Variants in RSPO2 observed in about 807,000 individuals in gnomAD.
RSPO2 encodes R-spondin 2, also known as R-spondin-2.
In RSPO2, 14 loss-of-function variants were observed where a neutral mutation model predicts 30.9. The ratio of observed to expected loss-of-function variants is 0.45; its 90% CI spans 0.30 to 0.71. The LOEUF is 0.71. Ranked by LOEUF, RSPO2 falls within the 30% of genes least tolerant of loss-of-function variation. The probability of loss-of-function intolerance (pLI) is 0.08; values close to 1 mark genes in which losing one functional copy is unlikely to be tolerated. For missense variants in RSPO2, 264 were observed against 301.9 expected, an observed-to-expected ratio of 0.87 and a Z score of 0.93; for synonymous variants, 107 against 96.4, an observed-to-expected ratio of 1.11 and a Z score of -0.64.
chr8:107,934,441 C>A (rs535895007), intron 5 of RSPO2, among the ~76,000 whole-genome samples: 5 of 151,086 alleles, frequency 3.3e-5, no homozygotes, highest in Non-Finnish European at 7.4e-5. Flanking sequence ...GGCATGATCT[C>A]GGCTCACTGC....
intron 2 of RSPO2, among the ~76,000 whole-genome samples, chr8:108,026,005 C>G (rs527998503): frequency 6.6e-6 from 1 of 152,096 alleles, no homozygotes; most frequent in African/African-American, 2.4e-5. Flanking sequence ...ATACTTATTC[C>G]GCTGGGAAAT....
At chr8:107,945,240 C>T (rs942450865) in intron 5 of RSPO2, among the ~76,000 whole-genome samples, 2 of 102,822 alleles carry the variant, frequency 1.9e-5, no homozygotes, top group Admixed American at 2.2e-4. Flanking sequence ...CATTCTTTTA[C>T]CTTTTTTTTT....
intron 5 of RSPO2, among the ~76,000 whole-genome samples, chr8:107,922,976 C>T (rs1325402571): frequency 6.6e-6 from 1 of 152,078 alleles, no homozygotes; most frequent in Non-Finnish European, 1.5e-5. Flanking sequence ...ACTGCAAAAA[C>T]CCTGGAAGAC....
chr8:107,955,662 A>T (rs1438302761), intron 5 of RSPO2, among the ~76,000 whole-genome samples: 1 of 152,118 alleles, frequency 6.6e-6, no homozygotes, highest in Non-Finnish European at 1.5e-5. Context: ...AAAGCCATTT[A>T]TGTTTTCATA....
chr8:108,077,274 G>A (rs1486027656), intron 2 of RSPO2, among the ~76,000 whole-genome samples: 1 of 152,114 alleles, frequency 6.6e-6, no homozygotes, highest in African/African-American at 2.4e-5. Flanking sequence ...AGCCAGAGGA[G>A]GGAAGGGAAG....
chr8:108,082,394 A>G, intron 2 of RSPO2, 151 bp downstream of exon 2: 2 of 602,328 alleles, frequency 3.3e-6, no homozygotes, highest in Non-Finnish European at 5.9e-6. Context: ...GTAGAGCTCC[A>G]GGGTCCTAAA....
At chr8:108,072,261 C>T (rs1812868614) in intron 2 of RSPO2, among the ~76,000 whole-genome samples, 2 of 150,992 alleles carry the variant, frequency 1.3e-5, no homozygotes. Context: ...CTTTTGACTA[C>T]CAGGAAGAGG....
intron 5 of RSPO2, among the ~76,000 whole-genome samples, chr8:107,932,330 G>T (rs1812577611): frequency 2.0e-5 from 3 of 152,090 alleles, no homozygotes; most frequent in Non-Finnish European, 4.4e-5. Flanking sequence ...AGGAGTTTCG[G>T]GTGACTTCTA....
intron 3 of RSPO2, among the ~76,000 whole-genome samples, chr8:107,964,215 T>C (rs1417456959): frequency 6.6e-6 from 1 of 152,170 alleles, no homozygotes; most frequent in African/African-American, 2.4e-5. Flanking sequence ...ACAAACCCAA[T>C]ATTTTTTATG....
intron 2 of RSPO2, among the ~76,000 whole-genome samples, chr8:108,034,011 A>C (rs1811511475): frequency 6.6e-6 from 1 of 152,214 alleles, no homozygotes; most frequent in African/African-American, 2.4e-5. Context: ...ATCTGTGCTG[A>C]CATGGAATGC....
At chr8:107,903,250 T>A (rs1174505896) in intron 5 of RSPO2, among the ~76,000 whole-genome samples, 1 of 152,080 alleles carries the variant, frequency 6.6e-6, no homozygotes, top group East Asian at 1.9e-4. Flanking sequence ...TAAAAGCAAA[T>A]TGAAATTAAG....
chr8:108,077,057 G>A (rs879901783), intron 2 of RSPO2, among the ~76,000 whole-genome samples: 5 of 152,160 alleles, frequency 3.3e-5, no homozygotes, highest in Non-Finnish European at 2.9e-5. Flanking sequence ...TGGCCATTAA[G>A]AAACCCCTTT....
intron 2 of RSPO2, among the ~76,000 whole-genome samples, chr8:107,999,388 T>C (rs1815150138): frequency 6.6e-6 from 1 of 152,036 alleles, no homozygotes; most frequent in African/African-American, 2.4e-5. Context: ...CTTCTCCTAT[T>C]AAAATATGTA....
intron 2 of RSPO2, among the ~76,000 whole-genome samples, chr8:108,038,258 A>T (rs11986040): frequency 0.078 from 11,822 of 152,204 alleles, 788 homozygotes; most frequent in African/African-American, 0.17. Context: ...ACATGGTAGA[A>T]ATGGCAAGAG....
chr8:108,037,273 G>A (rs573718023), intron 2 of RSPO2, among the ~76,000 whole-genome samples: 71 of 152,316 alleles, frequency 4.7e-4, no homozygotes, highest in African/African-American at 1.7e-3. Flanking sequence ...TATTACCGAT[G>A]TGGAGAAAGT....
intron 2 of RSPO2, among the ~76,000 whole-genome samples, chr8:108,056,358 C>A (rs1295594888): frequency 6.6e-6 from 1 of 152,050 alleles, no homozygotes. Context: ...GTGACTCACA[C>A]CTGTAATCCC....
intron 5 of RSPO2, among the ~76,000 whole-genome samples, chr8:107,934,087 T>G (rs1316208360): frequency 6.6e-6 from 1 of 152,178 alleles, no homozygotes; most frequent in Non-Finnish European, 1.5e-5. Context: ...TCAAGTATTG[T>G]TTTATAAAAT....
intron 3 of RSPO2, among the ~76,000 whole-genome samples, chr8:107,962,340 T>TA (rs1813655008): frequency 1.3e-5 from 2 of 152,300 alleles, no homozygotes; most frequent in South Asian, 4.1e-4. Flanking sequence ...CTAGACCTAT[T>TA]AAAAATGCCA....
intron 2 of RSPO2, among the ~76,000 whole-genome samples, chr8:108,060,740 A>G (rs1260148110): frequency 6.6e-6 from 1 of 151,166 alleles, no homozygotes; most frequent in African/African-American, 2.5e-5. Context: ...TGTCAGATTC[A>G]CCAAAGTTGA....
Sources: allele counts gnomAD v4.1 joint callset (sites outside exome capture counted in the v4.1 genomes callset), GRCh38; gene constraint gnomAD v4.1.1; transcripts MANE v1.5; gene names NCBI Gene and HGNC (gene_info 2026-07-23, HGNC 2026-07-21).